UNC13C: variants seen among roughly 807,000 people sequenced by gnomAD.
UNC13C encodes protein unc-13 homolog C.
UNC13C carries 174 observed loss-of-function variants against 245.4 expected under a neutral mutation model. The ratio of observed to expected loss-of-function variants is 0.71; its 90% CI spans 0.63 to 0.80. The LOEUF (loss-of-function observed/expected upper bound fraction) is 0.80, where lower values mean the gene tolerates loss of function less well. Among genes scored for constraint, UNC13C ranks in the 30% least tolerant of loss-of-function variants. The pLI, the probability that UNC13C is intolerant of heterozygous loss-of-function variation, is 0.00. For synonymous variants in UNC13C, 992 were observed against 895.1 expected (o/e 1.11, Z -1.93); for missense variants, 2,829 against 2,602.9 (o/e 1.09, Z -1.89).
the UNC13C span, among the ~76,000 whole-genome samples, chr15:53,851,575 C>A: frequency 6.6e-6 from 1 of 152,170 alleles, no homozygotes; most frequent in African/African-American, 2.4e-5. Flanking sequence ...CTTTCACCTG[C>A]CCAAGGCAGG....
chr15:54,237,532 A>G, intron 6 of UNC13C, 87 bp from the exon 7 acceptor site: 1 of 981,768 alleles, frequency 1.0e-6, no homozygotes, highest in Non-Finnish European at 1.6e-6. Context: ...GTGATAGCCC[A>G]TATTCTTGCA....
intron 30 of UNC13C, among the ~76,000 whole-genome samples, chr15:54,578,284 G>A (rs899080714): frequency 2.0e-5 from 3 of 152,150 alleles, no homozygotes; most frequent in African/African-American, 7.2e-5. Flanking sequence ...CTCGGAATAG[G>A]TGTACTTCTA....
At chr15:54,140,973 T>G (rs2031990427) in intron 2 of UNC13C, among the ~76,000 whole-genome samples, 1 of 152,162 alleles carries the variant, frequency 6.6e-6, no homozygotes, top group Non-Finnish European at 1.5e-5. Context: ...TTGAAAGAAC[T>G]GATGTATTAC....
Position 54,013,464 on chromosome 15 carries a change from G to T in UNC13C, c.561G>T (p.Trp187Cys), listed in dbSNP as rs771602803. The change falls in exon 2 of 33, where the codon TGG (tryptophan) becomes TGT (cysteine). Residue 187 changes from tryptophan to cysteine, a missense_variant. Physicochemically the swap from Trp to Cys is radical, Grantham distance 215. Coordinates refer to ENST00000260323, the MANE Select transcript of UNC13C (RefSeq NM_001080534.3). The stretch of plus-strand genomic sequence containing the variant: ...GAGCTTTACGAAAACTGAGAAAATG[G>T]AAAAAGAGTCAAGAATGTGTCTCCT... ...KLGALRKLRK[W>C]KKSQECVSSD... 5 of 1,613,588 alleles carry T rather than the reference G, an allele frequency of 3.1e-6. No individual in the cohort carries two copies. Among genetic ancestry groups the T allele is most frequent in the Non-Finnish European group, 4.2e-6 (5 of 1,179,822 alleles).
intron 2 of UNC13C, among the ~76,000 whole-genome samples, chr15:54,132,599 G>A (rs2141217484): frequency 6.6e-6 from 1 of 152,244 alleles, no homozygotes; most frequent in Non-Finnish European, 1.5e-5. Flanking sequence ...AAAGTTATTT[G>A]CAGACTTATC....
intron 19 of UNC13C, among the ~76,000 whole-genome samples, chr15:54,447,421 AG>A (rs1238814709): frequency 1.3e-5 from 2 of 152,114 alleles, no homozygotes; most frequent in South Asian, 2.1e-4. Context: ...TTTGGTTGGT[AG>A]GCTATTAATT....
intron 1 of UNC13C, among the ~76,000 whole-genome samples, chr15:53,984,634 TA>T (rs1187926952): frequency 6.6e-6 from 1 of 152,158 alleles, no homozygotes; most frequent in African/African-American, 2.4e-5. Flanking sequence ...GCACTGGCTG[TA>T]AATTTGTCAT....
chr15:54,353,559 T>G (rs1261651769), intron 17 of UNC13C, among the ~76,000 whole-genome samples: 3 of 152,224 alleles, frequency 2.0e-5, no homozygotes, highest in Admixed American at 6.5e-5. Flanking sequence ...AGAATCACTT[T>G]CGTTGGGCTT....
At chr15:54,204,541 C>A (rs137954875) in intron 4 of UNC13C, among the ~76,000 whole-genome samples, 68 of 152,074 alleles carry the variant, frequency 4.5e-4, no homozygotes, top group African/African-American at 1.5e-3. Flanking sequence ...ATCAAATTCT[C>A]TCTCAATTTG....
chr15:54,333,938 C>T, intron 16 of UNC13C, 82 bp downstream of exon 16: 1 of 982,152 alleles, frequency 1.0e-6, no homozygotes, highest in East Asian at 2.6e-5. Context: ...TTACCCTCCT[C>T]TTGATCAAGT....
intron 10 of UNC13C, among the ~76,000 whole-genome samples, chr15:54,271,555 T>C (rs933255684): frequency 6.6e-6 from 1 of 152,174 alleles, no homozygotes; most frequent in Non-Finnish European, 1.5e-5. Flanking sequence ...AGATGACATT[T>C]TCTTCATATG....
In UNC13C at chr15:54,015,753, T is replaced by C. The variant is rs1412714101; in HGVS notation, c.2850T>C (p.Asp950=). Residue 950 remains aspartate, a synonymous_variant, in exon 2 of 33, where the codon GAT becomes GAC. Transcript: ENST00000260323. Reference sequence around the variant, plus strand: ...CAGCTGAGATGGAAATAAGAGAAGATGAAAACCAAAACATTCCTGAACAGC... The same window carrying C: ...CAGCTGAGATGGAAATAAGAGAAGACGAAAACCAAAACATTCCTGAACAGC... The part of the protein sequence containing the change: ...ETSAEMEIRE[D]ENQNIPEQPV... 6.2e-7 allele frequency: 1 copy of C among 1,612,838 alleles called. No individual in the cohort carries two copies. Among genetic ancestry groups the C allele is most frequent in the Admixed American group, 1.7e-5 (1 of 59,766 alleles).
At chr15:54,135,947 T>C (rs2031707080) in intron 2 of UNC13C, among the ~76,000 whole-genome samples, 1 of 152,138 alleles carries the variant, frequency 6.6e-6, no homozygotes, top group African/African-American at 2.4e-5. Flanking sequence ...AATGCAAGCT[T>C]TTTAAGGATA....
At chr15:54,581,867 G>A (rs1252669756) in intron 30 of UNC13C, among the ~76,000 whole-genome samples, 1 of 152,166 alleles carries the variant, frequency 6.6e-6, no homozygotes, top group African/African-American at 2.4e-5. Context: ...CAAGTGAATG[G>A]AGGGGAGATG....
intron 30 of UNC13C, among the ~76,000 whole-genome samples, chr15:54,615,238 A>T (rs922871551): frequency 2.6e-5 from 4 of 152,024 alleles, no homozygotes; most frequent in Non-Finnish European, 5.9e-5. Flanking sequence ...CAAGTTATTT[A>T]AAAATGTACC....
the UNC13C span, chr15:53,913,535 G>A: frequency 6.6e-5 from 10 of 152,324 alleles, no homozygotes; most frequent in Admixed American, 5.2e-4. Flanking sequence ...AGCATGGCAG[G>A]AATGGCTACA....
At chr15:54,624,307 G>A (rs948380604) in intron 32 of UNC13C, among the ~76,000 whole-genome samples, 1 of 152,158 alleles carries the variant, frequency 6.6e-6, no homozygotes, top group African/African-American at 2.4e-5. Context: ...TGCCTGGGAG[G>A]TCAGGGAAGC....
At chr15:54,246,608 A>AT (rs1162466786) in intron 7 of UNC13C, among the ~76,000 whole-genome samples, 1 of 152,146 alleles carries the variant, frequency 6.6e-6, no homozygotes, top group African/African-American at 2.4e-5. Flanking sequence ...TAAAATACAT[A>AT]TTTTTTAGAA....
At chr15:54,572,424 A>ATTTTT (rs1336090253) in intron 30 of UNC13C, among the ~76,000 whole-genome samples, 1 of 131,620 alleles carries the variant, frequency 7.6e-6, no homozygotes, top group Non-Finnish European at 1.6e-5. Context: ...TGTCTCTTTA[A>ATTTTT]TTTTTTTTTT....
Sources: gnomAD v4.1 joint callset for allele counts (sites outside exome capture counted in the v4.1 genomes callset) on GRCh38, gnomAD v4.1.1 for gene constraint, MANE v1.5 for transcripts, NCBI Gene and HGNC (gene_info 2026-07-23, HGNC 2026-07-21) for gene names.